The following SKAP1 variants were observed in gnomAD, a reference collection of about 807,000 sequenced individuals.
SKAP1 encodes the protein src kinase-associated phosphoprotein 1.
Under a neutral mutation model 58.5 loss-of-function variants are expected in SKAP1, and 44 were observed. The ratio of observed to expected loss-of-function variants is 0.75; its 90% CI spans 0.59 to 0.97. SKAP1 has a LOEUF of 0.97. Ranked by LOEUF, SKAP1 falls within the 50% of genes least tolerant of loss-of-function variation. The probability of loss-of-function intolerance (pLI) is 0.00; values close to 1 mark genes in which losing one functional copy is unlikely to be tolerated. For synonymous variants in SKAP1, 127 were observed against 149.7 expected (o/e 0.85, Z 1.11); for missense variants, 390 against 435.2 (o/e 0.90, Z 0.92).
rs1252711089 is a variant in SKAP1, at chr17:48,321,600, G to A, written c.280+24305C>T. On this transcript the variant is annotated intron_variant, in intron 4 of 12. Coordinates refer to ENST00000336915, the MANE Select transcript of SKAP1 (RefSeq NM_003726.4). ...TCACCGTGTTAGCCAGGATCGTCTC[G>A]ATCTCCTGACCTTGTGATCCGCCAG... 2.6e-5 allele frequency among the ~76,000 whole-genome samples: 4 copies of A among 152,018 alleles called. No homozygotes were observed. The South Asian group carries it at 8.3e-4, about 32-fold the overall frequency.
chr17:48,379,002 G>A (rs368635594), intron 2 of SKAP1, among the ~76,000 whole-genome samples: 3 of 152,022 alleles, frequency 2.0e-5, no homozygotes, highest in Non-Finnish European at 2.9e-5. Flanking sequence ...GTGGGGCTGG[G>A]GTGCCTTCAT....
upstream of SKAP1, chr17:48,430,228 T>G: frequency 3.2e-4 from 150 of 463,324 alleles, no homozygotes; most frequent in Middle Eastern, 2.0e-3. Context: ...TCAGCCGCGG[T>G]CGCCGCCCGC....
chr17:48,431,448 A>G (rs2067915073), upstream of SKAP1, among the ~76,000 whole-genome samples: 1 of 152,250 alleles, frequency 6.6e-6, no homozygotes. Context: ...GGACCAGAGT[A>G]AAGAAAGATG....
intron 12 of SKAP1, among the ~76,000 whole-genome samples, chr17:48,135,095 C>T (rs1444834275): frequency 6.6e-6 from 1 of 152,184 alleles, no homozygotes; most frequent in Admixed American, 6.5e-5. Context: ...AAAGTCAAAC[C>T]TTGAGTGACA....
chr17:48,184,595 C>A, intron 7 of SKAP1, 128 bp downstream of exon 7: 1 of 1,183,032 alleles, frequency 8.5e-7, no homozygotes, highest in Non-Finnish European at 1.3e-6. Flanking sequence ...GAAATAGGGT[C>A]TTCGTTGGCA....
intron 11 of SKAP1, 75 bp downstream of exon 11, chr17:48,162,394 A>C (rs1255007907): frequency 1.1e-6 from 1 of 918,778 alleles, no homozygotes; most frequent in Non-Finnish European, 1.7e-6. Context: ...GACATGGAAT[A>C]ATTCTGTTTA....
chr17:48,205,163 G>A (rs2064793992), intron 4 of SKAP1, among the ~76,000 whole-genome samples: 1 of 150,240 alleles, frequency 6.7e-6, no homozygotes, highest in Admixed American at 6.7e-5. Flanking sequence ...AGGCTGGAGT[G>A]CAGTGGCTTG....
chr17:48,416,470 A>G (rs2067732589), intron 1 of SKAP1, among the ~76,000 whole-genome samples: 1 of 152,186 alleles, frequency 6.6e-6, no homozygotes, highest in South Asian at 2.1e-4. Context: ...GGCAGGGACT[A>G]AAAATCTGTT....
intron 2 of SKAP1, among the ~76,000 whole-genome samples, chr17:48,390,661 C>T (rs1239605078): frequency 6.6e-6 from 1 of 152,176 alleles, no homozygotes; most frequent in Non-Finnish European, 1.5e-5. Context: ...GGTGCAAGTT[C>T]AGTTACCTGC....
rs755689431 is a variant in SKAP1 at position 48,184,775 on chromosome 17, G to A, written c.515C>T (p.Ser172Phe). 63 of 1,614,056 alleles carry A rather than the reference G, an allele frequency of 3.9e-5. No individual in the cohort carries two copies. In the Middle Eastern group the frequency reaches 1.2e-3, roughly 30 times the overall value. The stretch of plus-strand genomic sequence containing the variant: ...CAGTTCAAAGCAGGATTCTTTCTTG[G>A]AATCTCTTCGCAGGTGGGGGGCCAT... ...VRMAPHLRRDSKKESCFELTS... is the reference protein window; with the variant it reads ...VRMAPHLRRDFKKESCFELTS... Residue 172 changes from serine (S) to phenylalanine (F), a missense_variant, in exon 7 of 13, where the codon TCC becomes TTC. By Grantham distance (155) the Ser-to-Phe change is radical. Transcript: ENST00000336915.
chr17:48,417,241 T>C (rs1326579415), intron 1 of SKAP1, among the ~76,000 whole-genome samples: 2 of 152,138 alleles, frequency 1.3e-5, no homozygotes, highest in East Asian at 1.9e-4. Flanking sequence ...ACCTAAGAAA[T>C]GTGCAGTGTT....
intron 4 of SKAP1, among the ~76,000 whole-genome samples, chr17:48,331,775 A>C (rs763567091): frequency 1.3e-5 from 2 of 152,130 alleles, no homozygotes; most frequent in Non-Finnish European, 1.5e-5. Flanking sequence ...GCTTTCATGC[A>C]AAATTTAAGA....
At chr17:48,311,753 G>A (rs1307072772) in intron 4 of SKAP1, among the ~76,000 whole-genome samples, 1 of 152,136 alleles carries the variant, frequency 6.6e-6, no homozygotes, top group African/African-American at 2.4e-5. Context: ...TTCCAAAATA[G>A]TTTATCAATC....
chr17:48,278,731 G>A (rs1157949389), intron 4 of SKAP1, among the ~76,000 whole-genome samples: 4 of 152,054 alleles, frequency 2.6e-5, no homozygotes, highest in African/African-American at 4.8e-5. Flanking sequence ...ACTGGGCTGG[G>A]GTAAGAGAGA....
chr17:48,280,827 T>C (rs1333318823), intron 4 of SKAP1, among the ~76,000 whole-genome samples: 2 of 152,178 alleles, frequency 1.3e-5, no homozygotes, highest in South Asian at 2.1e-4. Context: ...GATTCATCCA[T>C]GTAGTTGTGT....
intron 4 of SKAP1, among the ~76,000 whole-genome samples, chr17:48,314,693 G>A (rs548455799): frequency 1.3e-5 from 2 of 152,256 alleles, no homozygotes; most frequent in Admixed American, 1.3e-4. Flanking sequence ...CCATTAGGTA[G>A]TTTCTAAAAG....
intron 4 of SKAP1, among the ~76,000 whole-genome samples, chr17:48,198,479 G>A (rs367691330): frequency 0.069 from 4,955 of 71,374 alleles, 7 homozygotes; most frequent in South Asian, 0.11. Flanking sequence ...AAAAAAAAAA[G>A]AATGGGTTTT....
intron 12 of SKAP1, among the ~76,000 whole-genome samples, chr17:48,134,475 G>A (rs2063674487): frequency 6.6e-6 from 1 of 151,724 alleles, no homozygotes; most frequent in Non-Finnish European, 1.5e-5. Flanking sequence ...CCGCCACCAC[G>A]CCTGGCTAAT....
intron 11 of SKAP1, among the ~76,000 whole-genome samples, chr17:48,146,279 T>C (rs2063831750): frequency 6.6e-6 from 1 of 151,862 alleles, no homozygotes; most frequent in Admixed American, 6.6e-5. Context: ...GATCACAAGG[T>C]CAGGAGTTCG....
Sources: allele counts gnomAD v4.1 joint callset (sites outside exome capture counted in the v4.1 genomes callset), GRCh38; gene constraint gnomAD v4.1.1; transcripts MANE v1.5; gene names NCBI Gene and HGNC (gene_info 2026-07-23, HGNC 2026-07-21).